Variants in KCNQ3 observed in about 807,000 individuals in gnomAD.
The protein encoded by KCNQ3 is potassium voltage-gated channel subfamily KQT member 3.
KCNQ3 carries 30 observed loss-of-function variants against 92.5 expected under a neutral mutation model. That is an observed-to-expected ratio of 0.32 (90% CI 0.24 to 0.44). The LOEUF (loss-of-function observed/expected upper bound fraction) is 0.44. Among genes scored for constraint, KCNQ3 ranks in the 20% least tolerant of loss-of-function variants. The pLI is 1.00. For missense variants in KCNQ3, 913 were observed against 1,140.3 expected (o/e 0.80, Z 2.87); for synonymous variants, 450 against 468.8 (o/e 0.96, Z 0.52).
intron 1 of KCNQ3, among the ~76,000 whole-genome samples, chr8:132,329,160 G>A (rs1177237308): frequency 3.9e-5 from 6 of 152,160 alleles, no homozygotes; most frequent in Non-Finnish European, 8.8e-5. Flanking sequence ...GGTAACGCCG[G>A]GAGATCTGCA....
At chr8:132,279,944 A>T (rs1816462754) in intron 1 of KCNQ3, among the ~76,000 whole-genome samples, 1 of 152,206 alleles carries the variant, frequency 6.6e-6, no homozygotes, top group Non-Finnish European at 1.5e-5. Context: ...CAAATTCCAT[A>T]AAGAATTAGC....
chr8:132,153,863 T>A (rs1256660964), intron 9 of KCNQ3, among the ~76,000 whole-genome samples: 1 of 152,142 alleles, frequency 6.6e-6, no homozygotes, highest in Admixed American at 6.5e-5. Flanking sequence ...CTCCCTTATG[T>A]ACCCTAGGTA....
Position 132,129,808 on chromosome 8 carries a change from G to C in KCNQ3, c.2073C>G (p.Gly691=). The change falls in exon 15 of 15, where the codon GGC becomes GGG. Residue 691 remains glycine (G), a synonymous_variant. Coordinates refer to ENST00000388996, the MANE Select transcript of KCNQ3 (RefSeq NM_004519.4). The surrounding 1 kb of genome is among the most constrained non-coding windows in gnomAD (Gnocchi z 5.9). Reference sequence around the variant, plus strand: ...GGAAGCTGTAGGGTGGTTCCGGGGGGCCTGTCTCAGAATAGTTGCAGATGA... The same window carrying C: ...GGAAGCTGTAGGGTGGTTCCGGGGGCCCTGTCTCAGAATAGTTGCAGATGA... The part of the protein sequence containing the change: ...KTIICNYSET[G]PPEPPYSFHQ... 3 of 1,614,162 alleles carry C rather than the reference G, an allele frequency of 1.9e-6. No individual in the cohort carries two copies. The highest frequency in any genetic ancestry group is 1.3e-5 in the African/African-American group (1 of 75,044).
intron 1 of KCNQ3, among the ~76,000 whole-genome samples, chr8:132,310,469 G>C (rs2130609840): frequency 6.6e-6 from 1 of 152,306 alleles, no homozygotes; most frequent in Non-Finnish European, 1.5e-5. Context: ...GAGGACCTGG[G>C]CAAGGGTAAC....
intron 1 of KCNQ3, among the ~76,000 whole-genome samples, chr8:132,228,673 T>G (rs1814520430): frequency 6.6e-6 from 1 of 151,638 alleles, no homozygotes; most frequent in Non-Finnish European, 1.5e-5. Context: ...AGTATGTTTT[T>G]GGGGGAGGGT....
intron 1 of KCNQ3, among the ~76,000 whole-genome samples, chr8:132,471,200 G>C (rs1822292065): frequency 6.6e-6 from 1 of 152,148 alleles, no homozygotes; most frequent in Middle Eastern, 3.2e-3. Flanking sequence ...TGACCCAGGA[G>C]GGAAGAGTTC....
rs548850168 is a variant in KCNQ3, at chr8:132,368,552, C to T, written c.386+111595G>A. Among the ~76,000 whole-genome samples the T allele has an allele frequency of 3.9e-5, 6 of 152,048 alleles. No individual in the cohort carries two copies. In the South Asian group the frequency reaches 1.3e-3, roughly 32 times the overall value. ...CTTGTAGTCCCAGCTACTCAGGAGG[C>T]TGAAGTGGGAGGATCACTTGGGCCC... is the stretch of plus-strand genomic sequence containing the variant. On this transcript the variant is annotated intron_variant, in intron 1 of 14. Coordinates refer to ENST00000388996, the MANE Select transcript of KCNQ3 (RefSeq NM_004519.4).
intron 1 of KCNQ3, among the ~76,000 whole-genome samples, chr8:132,358,714 G>T (rs1200344071): frequency 1.3e-5 from 2 of 152,054 alleles, no homozygotes; most frequent in Non-Finnish European, 2.9e-5. Context: ...ATATCAGGGG[G>T]TCTTCATTTG....
chr8:132,248,682 C>T (rs936304162), intron 1 of KCNQ3, among the ~76,000 whole-genome samples: 3 of 152,208 alleles, frequency 2.0e-5, no homozygotes, highest in Non-Finnish European at 4.4e-5. Context: ...TGGGGCTGCA[C>T]CTCTTCCAGT....
chr8:132,460,242 T>G lies in KCNQ3; in HGVS notation c.386+19905A>C, dbSNP rs2597346. Among the ~76,000 whole-genome samples, 4 of 152,168 alleles carry G rather than the reference T, an allele frequency of 2.6e-5. No homozygotes were observed. In the East Asian group the frequency reaches 7.8e-4, roughly 30 times the overall value. ...GCTCACTGCAATCAGGATTTGACTT[T>G]CTAGGCTCAATGAGCTGACAGCGCA... On this transcript the variant is annotated intron_variant, in intron 1 of 14. Transcript: ENST00000388996.
chr8:132,208,060 C>G (rs1357068453), intron 1 of KCNQ3, among the ~76,000 whole-genome samples: 1 of 152,084 alleles, frequency 6.6e-6, no homozygotes, highest in Admixed American at 6.6e-5. Context: ...CCTCCCTGGG[C>G]TCCATGTTCA....
intron 1 of KCNQ3, among the ~76,000 whole-genome samples, chr8:132,330,764 C>T (rs1402615520): frequency 3.3e-5 from 5 of 152,210 alleles, no homozygotes; most frequent in Non-Finnish European, 5.9e-5. Context: ...TGGTGATACA[C>T]ACTTGCAGCT....
chr8:132,271,128 T>C (rs531262620), intron 1 of KCNQ3, among the ~76,000 whole-genome samples: 77 of 152,344 alleles, frequency 5.1e-4, no homozygotes, highest in African/African-American at 1.8e-3. Context: ...CCCACTGCTG[T>C]CATGGAGCTC....
At chr8:132,293,189 G>A (rs916320087) in intron 1 of KCNQ3, among the ~76,000 whole-genome samples, 4 of 152,020 alleles carry the variant, frequency 2.6e-5, no homozygotes, top group African/African-American at 9.7e-5. Context: ...ATAATAAACT[G>A]TAAATGTGTT....
chr8:132,228,197 A>G (rs1436734012), intron 1 of KCNQ3, among the ~76,000 whole-genome samples: 1 of 152,224 alleles, frequency 6.6e-6, no homozygotes, highest in Non-Finnish European at 1.5e-5. Context: ...TGATTTACAG[A>G]AATAAGTCCA....
chr8:132,239,199 G>T (rs1814910700), intron 1 of KCNQ3, among the ~76,000 whole-genome samples: 1 of 152,190 alleles, frequency 6.6e-6, no homozygotes, highest in African/African-American at 2.4e-5. Flanking sequence ...AACCAAAGCT[G>T]CAAATTCCAA....
intron 1 of KCNQ3, among the ~76,000 whole-genome samples, chr8:132,424,261 C>A (rs571880261): frequency 2.0e-5 from 3 of 152,100 alleles, no homozygotes; most frequent in Non-Finnish European, 4.4e-5. Context: ...ACGTGCCCCC[C>A]ACCCCAGCCC....
At chr8:132,260,542 G>A (rs774596076) in intron 1 of KCNQ3, among the ~76,000 whole-genome samples, 1 of 152,144 alleles carries the variant, frequency 6.6e-6, no homozygotes, top group Non-Finnish European at 1.5e-5. Context: ...TAGATAAGAA[G>A]AGGAAGAGAG....
At chr8:132,358,488 A>G (rs1380533516) in intron 1 of KCNQ3, among the ~76,000 whole-genome samples, 1 of 152,220 alleles carries the variant, frequency 6.6e-6, no homozygotes, top group African/African-American at 2.4e-5. Flanking sequence ...ATGTTAGCTG[A>G]GACATGACTT....
Sources: gnomAD v4.1 joint callset for allele counts (sites outside exome capture counted in the v4.1 genomes callset) on GRCh38, gnomAD v4.1.1 for gene constraint, Gnocchi (gnomAD v3.1) non-coding constraint, MANE v1.5 for transcripts, NCBI Gene and HGNC (gene_info 2026-07-23, HGNC 2026-07-21) for gene names.